ZNF226: variants seen among roughly 807,000 people sequenced by gnomAD.
ZNF226 encodes the protein zinc finger protein 226.
In ZNF226, 6 loss-of-function variants were observed where a neutral mutation model predicts 11.4. The observed-to-expected ratio is 0.53, with a 90% CI of 0.29 to 1.04. ZNF226 has a LOEUF of 1.04. Among genes scored for constraint, ZNF226 ranks in the 50% least tolerant of loss-of-function variants. The pLI is 0.08. For missense variants in ZNF226, 1,058 were observed against 956.5 expected (o/e 1.11, Z -1.40); for synonymous variants, 350 against 322.8 (o/e 1.08, Z -0.90).
Position 44,175,961 on chromosome 19 carries a change from C to T in ZNF226, c.699C>T (p.Asn233=). 9 of 1,613,744 alleles carry T rather than the reference C, an allele frequency of 5.6e-6. No homozygotes were observed. The highest frequency in any genetic ancestry group is 7.6e-6 in the Non-Finnish European group (9 of 1,179,836). ...SYRPNDYEKD[N]MKILTFDHNS... ...GACCCAATGATTATGAAAAAGACAA[C>T]ATGAAGATTTTGACATTTGATCACA... is the stretch of plus-strand genomic sequence containing the variant. The change falls in exon 6 of 6, where the codon AAC becomes AAT. Residue 233 remains asparagine (N), a synonymous_variant. Coordinates refer to ENST00000337433, the MANE Select transcript of ZNF226 (RefSeq NM_001032373.2).
In ZNF226 at chr19:44,176,466, C is replaced by T. The variant is rs1568572643; in HGVS notation, c.1204C>T (p.Arg402Trp). The T allele has an allele frequency of 1.2e-5, 19 of 1,613,604 alleles. No homozygotes were observed. The highest frequency in any genetic ancestry group is 1.3e-5 in the Non-Finnish European group (15 of 1,179,924). Residue 402 changes from arginine (R) to tryptophan (W), a missense_variant, in exon 6 of 6, where the codon CGG becomes TGG. Coordinates refer to ENST00000337433, the MANE Select transcript of ZNF226 (RefSeq NM_001032373.2). ...KCDACGKSFS[R>W]NSHLQSHQRV... ...TGATGCATGTGGTAAGAGCTTCAGTCGGAATTCACATCTTCAATCCCATCA... is the reference window on the plus strand; with the variant it reads ...TGATGCATGTGGTAAGAGCTTCAGTTGGAATTCACATCTTCAATCCCATCA...
chr19:44,181,661 A>T (rs923606600), downstream of ZNF226, among the ~76,000 whole-genome samples: 3 of 152,192 alleles, frequency 2.0e-5, no homozygotes, highest in Non-Finnish European at 4.4e-5. Flanking sequence ...TTGGGAACAG[A>T]TGAGCAGATT....
Position 44,172,928 on chromosome 19 carries a change from G to A in ZNF226, c.211G>A (p.Ala71Thr). The A allele has an allele frequency of 6.2e-7, 1 of 1,603,408 alleles. No individual in the cohort carries two copies. Among genetic ancestry groups the A allele is most frequent in the South Asian group, 1.1e-5 (1 of 88,566 alleles). ...TGAGCAGCTTTGGATAATGACGACA[G>A]CAACCCGAAGACAGGGAAATTTAGG... ...RNEQLWIMTT[A>T]TRRQGNLGEK... The change falls in exon 5 of 6, where the codon GCA becomes ACA. Residue 71 changes from alanine (A) to threonine (T), a missense_variant. Ala to Thr is a moderately conservative substitution (Grantham distance 58). Transcript: ENST00000337433.
Position 44,177,282 on chromosome 19 carries a change from G to C in ZNF226, c.2020G>C (p.Asp674His), listed in dbSNP as rs371858863. 1.2e-6 allele frequency: 2 copies of C among 1,614,130 alleles called. No individual in the cohort carries two copies. The highest frequency in any genetic ancestry group is 3.3e-5 in the Admixed American group (2 of 60,018). ...CACTGGAGATAAGCCATACAAATGTGATGAGTGTGGGAAGGGCTTCAAGTG... is the reference window on the plus strand; with the variant it reads ...CACTGGAGATAAGCCATACAAATGTCATGAGTGTGGGAAGGGCTTCAAGTG... ...VHTGDKPYKC[D>H]ECGKGFKWSL... Residue 674 changes from aspartate to histidine, a missense_variant, in exon 6 of 6, where the codon GAT becomes CAT. Coordinates refer to ENST00000337433, the MANE Select transcript of ZNF226 (RefSeq NM_001032373.2).
downstream of ZNF226, among the ~76,000 whole-genome samples, chr19:44,182,139 A>G (rs1026626909): frequency 1.3e-5 from 2 of 152,216 alleles, no homozygotes; most frequent in African/African-American, 4.8e-5. Flanking sequence ...TCTCAGTTGT[A>G]TGAAACTTGG....
At chr19:44,195,724 T>G in the ZNF226 span, among the ~76,000 whole-genome samples, 5 of 152,304 alleles carry the variant, frequency 3.3e-5, no homozygotes, top group East Asian at 9.6e-4. Flanking sequence ...TTTTGCAGTC[T>G]TTGTGATCGT....
At chr19:44,179,599 A>G (rs1308566114), downstream of ZNF226, among the ~76,000 whole-genome samples, 2 of 152,212 alleles carry the variant, frequency 1.3e-5, no homozygotes, top group Non-Finnish European at 2.9e-5. Flanking sequence ...TGCAATCAAT[A>G]CAGTTTTAAT....
downstream of ZNF226, among the ~76,000 whole-genome samples, chr19:44,180,451 T>G (rs558314217): frequency 3.0e-4 from 45 of 152,330 alleles, no homozygotes; most frequent in South Asian, 5.6e-3. Context: ...CCTCAAGTTG[T>G]GTTAGATATC....
chr19:44,175,471 ATC>A (rs768514867), intron 5 of ZNF226, 25 bp from the exon 6 acceptor site: 29 of 1,536,440 alleles, frequency 1.9e-5, no homozygotes, highest in African/African-American at 1.8e-4. Context: ...AAAATTCACT[ATC>A]TCTCTGAATC....
chr19:44,177,526 A>G lies in ZNF226; in HGVS notation c.2264A>G (p.Tyr755Cys). ...HQRVHTGEKP[Y>C]KCEICGKSFS... is the part of the protein sequence containing the mutation. ...CGAGTTCACACTGGGGAGAAACCTT[A>G]TAAATGTGAGATATGTGGTAAGAGC... Residue 755 changes from tyrosine to cysteine, a missense_variant, in exon 6 of 6, where the codon TAT (tyrosine) becomes TGT (cysteine). Transcript: ENST00000337433. 6.2e-7 allele frequency: 1 copy of G among 1,614,150 alleles called. No individual in the cohort carries two copies. The highest frequency in any genetic ancestry group is 1.3e-5 in the African/African-American group (1 of 75,050).
In ZNF226 at chr19:44,165,302, G is replaced by A. The variant is rs1424573113; in HGVS notation, c.-98+160G>A. ...TCCCTGGGCGGAGCTTGTTAGAATT[G>A]GGGGCGTACTGGCTTCGGGCGGCTG... On this transcript the variant is annotated intron_variant, in intron 1 of 5. Coordinates refer to ENST00000337433, the MANE Select transcript of ZNF226 (RefSeq NM_001032373.2). The A allele has an allele frequency of 3.9e-5, 6 of 152,130 alleles. No individual in the cohort carries two copies. In the East Asian group the frequency reaches 1.2e-3, roughly 29 times the overall value. 9.4% of individuals were successfully genotyped at this position (152,130 alleles called of 1,614,324 possible).
the ZNF226 span, among the ~76,000 whole-genome samples, chr19:44,198,347 G>T: frequency 6.6e-6 from 1 of 152,086 alleles, no homozygotes; most frequent in Admixed American, 6.5e-5. Context: ...AAACTGCTGA[G>T]AATTTTATTA....
intron 5 of ZNF226, chr19:44,174,532 C>G (rs1426415509): frequency 6.6e-6 from 1 of 152,388 alleles, no homozygotes; most frequent in African/African-American, 2.4e-5. Context: ...TGTTGCCTCT[C>G]AAACATTTAT....
rs191671711 is a variant in ZNF226, at chr19:44,176,281, G to A, written c.1019G>A (p.Cys340Tyr). ...GAGAAACCATACAAATGTAAGCAAT[G>A]TGGGAAAGGTTTCAGTCGTAGATCA... Reference protein sequence around the residue: ...VIEKPYKCKQCGKGFSRRSAL... With the variant: ...VIEKPYKCKQYGKGFSRRSAL... Residue 340 changes from cysteine (C) to tyrosine (Y), a missense_variant, in exon 6 of 6, where the codon TGT becomes TAT. Physicochemically the swap from Cys to Tyr is radical, Grantham distance 194 (BLOSUM62 -2). Transcript: ENST00000337433. The A allele has an allele frequency of 6.2e-7, 1 of 1,614,206 alleles. No homozygotes were observed. Among genetic ancestry groups the A allele is most frequent in the Non-Finnish European group, 8.5e-7 (1 of 1,180,036 alleles).
rs775862847 is a variant in ZNF226, at chr19:44,175,968, A to T, written c.706A>T (p.Ile236Phe). ...TGATTATGAAAAAGACAACATGAAG[A>T]TTTTGACATTTGATCACAATAGCAT... is the stretch of plus-strand genomic sequence containing the variant. Reference protein sequence around the residue: ...PNDYEKDNMKILTFDHNSMIH... With the variant: ...PNDYEKDNMKFLTFDHNSMIH... Residue 236 changes from isoleucine (I) to phenylalanine (F), a missense_variant, in exon 6 of 6, where the codon ATT becomes TTT. Physicochemically the swap from Ile to Phe is conservative, Grantham distance 21. Transcript: ENST00000337433. 4.3e-6 allele frequency: 7 copies of T among 1,613,792 alleles called. No individual in the cohort carries two copies. In the Admixed American group the frequency reaches 5.0e-5, roughly 12 times the overall value.
At chr19:44,181,572 GA>G (rs1970907644), downstream of ZNF226, among the ~76,000 whole-genome samples, 1 of 152,116 alleles carries the variant, frequency 6.6e-6, no homozygotes, top group South Asian at 2.1e-4. Flanking sequence ...GCGGCTGAAT[GA>G]CAACACATTT....
intron 5 of ZNF226, chr19:44,173,248 G>C: frequency 2.2e-6 from 1 of 454,590 alleles, no homozygotes; most frequent in Non-Finnish European, 3.9e-6. Context: ...GTCTTACACG[G>C]TGTGCTTTTC....
Position 44,176,656 on chromosome 19 carries a change from A to G in ZNF226, c.1394A>G (p.His465Arg), listed in dbSNP as rs1291449257. The change falls in exon 6 of 6, where the codon CAT (histidine) becomes CGT (arginine). Residue 465 changes from histidine to arginine, a missense_variant. By Grantham distance (29) the His-to-Arg change is conservative. Transcript: ENST00000337433. ...GFSRPSSLQA[H>R]QGVHTGEKSY... The stretch of plus-strand genomic sequence containing the variant: ...AGTCGGCCTTCAAGTCTTCAGGCCC[A>G]TCAGGGAGTTCACACTGGAGAGAAG... The G allele has an allele frequency of 3.1e-6, 5 of 1,614,088 alleles. No individual in the cohort carries two copies. The highest frequency in any genetic ancestry group is 1.3e-5 in the African/African-American group (1 of 74,936).
chr19:44,177,806 G>C, downstream of ZNF226: 7 of 1,065,832 alleles, frequency 6.6e-6, no homozygotes, highest in Non-Finnish European at 9.1e-6. Flanking sequence ...CATAGCAAGG[G>C]CTTCTTTAGT....
Sources: allele counts gnomAD v4.1 joint callset (sites outside exome capture counted in the v4.1 genomes callset), GRCh38; gene constraint gnomAD v4.1.1; transcripts MANE v1.5; gene names NCBI Gene and HGNC (gene_info 2026-07-23, HGNC 2026-07-21).